DNM3: variants seen among roughly 807,000 people sequenced by gnomAD.
DNM3 encodes dynamin-3.
In DNM3, 47 loss-of-function variants were observed where a neutral mutation model predicts 101.6. The ratio of observed to expected loss-of-function variants is 0.46; its 90% CI spans 0.37 to 0.59. The LOEUF is 0.59. DNM3 is among the 20% of genes least tolerant of loss of function. The pLI is 0.00. For missense variants in DNM3, 849 were observed against 1,085.7 expected (o/e 0.78, Z 3.06); for synonymous variants, 385 against 387.9 (o/e 0.99, Z 0.09).
intron 15 of DNM3, chr1:172,289,389 A>G (rs2063817732): frequency 4.8e-6 from 1 of 208,506 alleles, no homozygotes; most frequent in South Asian, 1.7e-4. Flanking sequence ...ATACAAATTT[A>G]CTATCATAAA....
chr1:172,368,552 A>ATGTTGGTGTTTAT (rs2068150112), intron 17 of DNM3, among the ~76,000 whole-genome samples: 1 of 151,918 alleles, frequency 6.6e-6, no homozygotes, highest in Non-Finnish European at 1.5e-5. Context: ...CAACTTAATG[A>ATGTTGGTGTTTAT]TGCACTTCAG....
rs1278041200 is a variant in DNM3 at position 172,411,122 on chromosome 1, A to G, written c.*3281A>G. On this transcript the variant is annotated 3_prime_UTR_variant, in exon 21 of 21. Coordinates refer to ENST00000627582, the MANE Select transcript of DNM3 (RefSeq NM_015569.5). ...TATATGTATATGTATGGTTGTAAAT[A>G]TCTATGTATACATGTACTTAGTATG... 2.0e-6 allele frequency: 2 copies of G among 984,082 alleles called. No homozygotes were observed. Among genetic ancestry groups the G allele is most frequent in the Non-Finnish European group, 2.4e-6 (2 of 828,720 alleles). The allele number at this position is 984,082 out of a possible 1,614,324, so 61.0% of individuals were successfully genotyped here.
chr1:172,059,945 C>G (rs1482713186), intron 10 of DNM3, among the ~76,000 whole-genome samples: 1 of 143,184 alleles, frequency 7.0e-6, no homozygotes, highest in Admixed American at 7.1e-5. Flanking sequence ...ATCTAGAAAA[C>G]CCCATTGTCT....
chr1:172,351,915 A>C (rs1312265543), intron 17 of DNM3, among the ~76,000 whole-genome samples: 1 of 152,174 alleles, frequency 6.6e-6, no homozygotes, highest in African/African-American at 2.4e-5. Context: ...GAATGGCTTA[A>C]GTGACAAATT....
At position 171,985,800 on chromosome 1, in the gene DNM3, G is replaced by A. The variant is rs550051043; in HGVS notation, c.236-1856G>A. The stretch of plus-strand genomic sequence containing the variant: ...GGAGCTTGTGACCTTTCCAGCCAGA[G>A]TGGCTGGGGTTGGTACTGGGAAATC... On this transcript the variant is annotated intron_variant, in intron 2 of 20. Coordinates refer to ENST00000627582, the MANE Select transcript of DNM3 (RefSeq NM_015569.5). Among the ~76,000 whole-genome samples the A allele has an allele frequency of 1.5e-3, 235 of 152,302 alleles. 1 individual carries two copies. Among genetic ancestry groups the A allele is most frequent in the Admixed American group, 3.3e-3 (50 of 15,302 alleles).
At chr1:171,845,502 C>T (rs1416097343) in intron 1 of DNM3, among the ~76,000 whole-genome samples, 2 of 152,150 alleles carry the variant, frequency 1.3e-5, no homozygotes, top group African/African-American at 4.8e-5. Flanking sequence ...GTAAGTGAGC[C>T]ATGATTGTGC....
chr1:172,388,698 C>T lies in DNM3; in HGVS notation c.2411C>T (p.Pro804Leu), dbSNP rs946021808. 2.5e-6 allele frequency: 4 copies of T among 1,613,790 alleles called. No homozygotes were observed. Among genetic ancestry groups the T allele is most frequent in the Non-Finnish European group, 3.4e-6 (4 of 1,179,868 alleles). Reference sequence around the variant, plus strand: ...CCTGGCCCCCACTCTGGGGCTCCTCCAGTCCCATTCCGTCCAGGCCCATTA... The same window carrying T: ...CCTGGCCCCCACTCTGGGGCTCCTCTAGTCCCATTCCGTCCAGGCCCATTA... ...PSPGPHSGAP[P>L]VPFRPGPLPP... Residue 804 changes from proline to leucine, a missense_variant, in exon 20 of 21, where the codon CCA (proline) becomes CTA (leucine). By Grantham distance (98) the Pro-to-Leu change is moderately conservative (BLOSUM62 -3). Coordinates refer to ENST00000627582, the MANE Select transcript of DNM3 (RefSeq NM_015569.5).
At chr1:172,092,165 T>C (rs2053956092) in intron 12 of DNM3, among the ~76,000 whole-genome samples, 1 of 152,100 alleles carries the variant, frequency 6.6e-6, no homozygotes, top group South Asian at 2.1e-4. Flanking sequence ...AGTGATGAGG[T>C]TAAGTTGTTA....
chr1:172,133,142 A>G lies in DNM3; in HGVS notation c.1659+1854A>G, dbSNP rs1292313264. 4.3e-6 allele frequency: 6 copies of G among 1,379,888 alleles called. No individual in the cohort carries two copies. The Admixed American group carries it at 9.7e-5, about 22-fold the overall frequency. 85.5% of individuals were successfully genotyped at this position (1,379,888 alleles called of 1,614,324 possible). On this transcript the variant is annotated intron_variant, in intron 14 of 20. Transcript: ENST00000627582. ...GCAGCAGAGACACTGAAGACTCTGGAGTAGCTACTGCTGTTGGAGTGTGGC... is the reference window on the plus strand; with the variant it reads ...GCAGCAGAGACACTGAAGACTCTGGGGTAGCTACTGCTGTTGGAGTGTGGC...
intron 13 of DNM3, among the ~76,000 whole-genome samples, chr1:172,106,847 C>CTTTTTTTTTTTTTTTTTT (rs1165611083): frequency 2.4e-4 from 16 of 67,958 alleles, no homozygotes; most frequent in African/African-American, 7.6e-4. Context: ...TAACATTATT[C>CTTTTTTTTTTTTTTTTTT]TTTTTTTTTT....
chr1:172,252,738 G>A (rs1233023784), intron 14 of DNM3, among the ~76,000 whole-genome samples: 1 of 152,070 alleles, frequency 6.6e-6, no homozygotes, highest in African/African-American at 2.4e-5. Context: ...AAATAATATT[G>A]CCCGTGGGCC....
chr1:171,902,558 G>T (rs1255096438), intron 1 of DNM3, among the ~76,000 whole-genome samples: 1 of 152,118 alleles, frequency 6.6e-6, no homozygotes, highest in Non-Finnish European at 1.5e-5. Context: ...ATGTGTTGAG[G>T]AGTGATAATC....
At chr1:171,854,506 C>T (rs7528583) in intron 1 of DNM3, among the ~76,000 whole-genome samples, 112,375 of 151,930 alleles carry the variant, frequency 0.74, 42,070 homozygotes, top group African/African-American at 0.87. Context: ...TCCTTTTTTT[C>T]TGAGACAAAG....
intron 10 of DNM3, among the ~76,000 whole-genome samples, chr1:172,066,952 TTG>T (rs61202714): frequency 1.2e-3 from 187 of 150,168 alleles, no homozygotes; most frequent in African/African-American, 1.7e-3. Context: ...GTCTCTGTGT[TTG>T]TGTGTGTGTG....
chr1:171,879,569 C>A (rs2036083004), intron 1 of DNM3, among the ~76,000 whole-genome samples: 1 of 152,144 alleles, frequency 6.6e-6, no homozygotes, highest in Admixed American at 6.5e-5. Flanking sequence ...AAAGCATTTA[C>A]CATAAGGAAT....
intron 2 of DNM3, among the ~76,000 whole-genome samples, chr1:171,980,124 G>A (rs1258985521): frequency 6.7e-6 from 1 of 148,776 alleles, no homozygotes; most frequent in African/African-American, 2.5e-5. Flanking sequence ...GACTCCCTGA[G>A]GTTAATTGTT....
chr1:172,245,208 C>T (rs944541556), intron 14 of DNM3, among the ~76,000 whole-genome samples: 1 of 152,030 alleles, frequency 6.6e-6, no homozygotes, highest in African/African-American at 2.4e-5. Flanking sequence ...TACAGAGTAA[C>T]AGGGGAGCAA....
At chr1:172,320,384 A>C (rs1419510253) in intron 16 of DNM3, among the ~76,000 whole-genome samples, 5 of 128,594 alleles carry the variant, frequency 3.9e-5, no homozygotes, top group African/African-American at 1.7e-4. Flanking sequence ...AAGTATAATA[A>C]TAATAAAAAA....
chr1:171,938,257 A>T (rs999511298), intron 2 of DNM3, among the ~76,000 whole-genome samples: 1 of 151,940 alleles, frequency 6.6e-6, no homozygotes, highest in African/African-American at 2.4e-5. Context: ...TTCTAATAGC[A>T]TCAAGGTTTT....
Sources: allele counts gnomAD v4.1 joint callset (sites outside exome capture counted in the v4.1 genomes callset), GRCh38; gene constraint gnomAD v4.1.1; transcripts MANE v1.5; gene names NCBI Gene and HGNC (gene_info 2026-07-23, HGNC 2026-07-21).